Variants in KIAA0753 observed in about 807,000 individuals in gnomAD.
KIAA0753 encodes KIAA0753.
KIAA0753 carries 114 observed loss-of-function variants against 116.9 expected under a neutral mutation model. The ratio of observed to expected loss-of-function variants is 0.98; its 90% CI spans 0.84 to 1.14. The LOEUF is 1.14. Ranked by LOEUF, KIAA0753 falls within the 50% of genes most tolerant of loss-of-function variation. The pLI is 0.00. For synonymous variants in KIAA0753, 405 were observed against 413.1 expected (o/e 0.98, Z 0.24); for missense variants, 1,156 against 1,172.4 (o/e 0.99, Z 0.20).
At chr17:6,623,307 A>G (rs1356913610) in intron 5 of KIAA0753, among the ~76,000 whole-genome samples, 1 of 152,204 alleles carries the variant, frequency 6.6e-6, no homozygotes. Flanking sequence ...ACCAGCAGCA[A>G]CAACAACAAA....
In KIAA0753 at chr17:6,605,677, G is replaced by C. The variant is rs562390703; in HGVS notation, c.2009+1196C>G. Among the ~76,000 whole-genome samples the C allele has an allele frequency of 2.0e-5, 3 of 152,042 alleles. No homozygotes were observed. The South Asian group carries it at 6.3e-4, about 32-fold the overall frequency. ...GATTTATGAAGAAGAGTAATGAAAA[G>C]ATCAACACAAGAATCAGGACAGTGG... On this transcript the variant is annotated intron_variant, in intron 12 of 18. Transcript: ENST00000361413.
intron 7 of KIAA0753, among the ~76,000 whole-genome samples, chr17:6,615,637 A>C (rs7217054): frequency 0.021 from 3,164 of 150,652 alleles, 155 homozygotes; most frequent in African/African-American, 0.074. Flanking sequence ...AAAAAAAAAA[A>C]AAAAACCTAA....
chr17:6,617,451 T>C (rs35830430), intron 7 of KIAA0753, among the ~76,000 whole-genome samples: 18,058 of 152,122 alleles, frequency 0.12, 1,663 homozygotes, highest in East Asian at 0.36. Context: ...TGTAATATAA[T>C]AAAAAATATA....
At chr17:6,604,134 G>C (rs1970044818) in intron 12 of KIAA0753, among the ~76,000 whole-genome samples, 1 of 152,178 alleles carries the variant, frequency 6.6e-6, no homozygotes, top group Admixed American at 6.5e-5. Context: ...ACTGCCCTCT[G>C]GGCATTTATC....
chr17:6,590,083 G>T, intron 17 of KIAA0753, 80 bp from the exon 18 acceptor site: 1 of 1,068,672 alleles, frequency 9.4e-7, no homozygotes, highest in Non-Finnish European at 1.3e-6. Context: ...CTCATGGTTT[G>T]ATAGCCAAAG....
In KIAA0753 at chr17:6,612,057, T is replaced by C; in HGVS notation, c.1407A>G (p.Gly469=). ...VLDADIVLEE[G]PFILDQSASF... ...TTGCACTTTGGTCTAGAATAAATGG[T>C]CCTTCTTCCAGAACTATATCCGCAT... The change falls in exon 8 of 19, where the codon GGA becomes GGG. Residue 469 remains glycine (G), a synonymous_variant. Coordinates refer to ENST00000361413, the MANE Select transcript of KIAA0753 (RefSeq NM_014804.3). The C allele has an allele frequency of 6.2e-7, 1 of 1,614,208 alleles. No individual in the cohort carries two copies. Among genetic ancestry groups the C allele is most frequent in the Non-Finnish European group, 8.5e-7 (1 of 1,180,016 alleles).
chr17:6,600,526 G>T (rs1597497201), intron 12 of KIAA0753, 68 bp from the exon 13 acceptor site: 1 of 1,212,312 alleles, frequency 8.2e-7, no homozygotes, highest in East Asian at 2.4e-5. Context: ...ATATTTATTT[G>T]CCACTCCAGG....
At chr17:6,611,811 C>CT (rs1180905112) in intron 8 of KIAA0753, 108 bp downstream of exon 8, 2 of 806,494 alleles carry the variant, frequency 2.5e-6, no homozygotes, top group Non-Finnish European at 4.2e-6. Flanking sequence ...GACTCAAGGA[C>CT]TGCAGCATCC....
chr17:6,595,497 A>C (rs979490551), intron 15 of KIAA0753, among the ~76,000 whole-genome samples: 1 of 152,180 alleles, frequency 6.6e-6, no homozygotes, highest in South Asian at 2.1e-4. Context: ...AATCCAAAAA[A>C]AAAAATTGTT....
At chr17:6,588,399 G>C (rs2150741085) in intron 18 of KIAA0753, among the ~76,000 whole-genome samples, 1 of 152,236 alleles carries the variant, frequency 6.6e-6, no homozygotes, top group South Asian at 2.1e-4. Context: ...AAGCTAACAG[G>C]AAGGGTGATG....
intron 16 of KIAA0753, among the ~76,000 whole-genome samples, chr17:6,591,013 GAA>G (rs1463049830): frequency 1.3e-4 from 5 of 37,246 alleles, no homozygotes; most frequent in Non-Finnish European, 3.2e-4. Context: ...GAAGAAGGAA[GAA>G]GAAGGAAGAA....
chr17:6,584,975 G>GT (rs372381857), intron 18 of KIAA0753, among the ~76,000 whole-genome samples: 2 of 151,466 alleles, frequency 1.3e-5, no homozygotes, highest in Non-Finnish European at 2.9e-5. Flanking sequence ...CTAATTTTTT[G>GT]TTTTTTGTAG....
At chr17:6,605,115 G>C (rs1321396464) in intron 12 of KIAA0753, among the ~76,000 whole-genome samples, 1 of 144,886 alleles carries the variant, frequency 6.9e-6, no homozygotes, top group Non-Finnish European at 1.5e-5. Flanking sequence ...AAAAGCAGCA[G>C]CTACATTAGC....
In KIAA0753 at chr17:6,579,049, A is replaced by C. The variant is rs1473055099; in HGVS notation, c.*698T>G. The C allele has an allele frequency of 6.6e-6, 1 of 151,940 alleles. No homozygotes were observed. Among genetic ancestry groups the C allele is most frequent in the Non-Finnish European group, 1.5e-5 (1 of 67,900 alleles). The allele number at this position is 151,940 out of a possible 1,614,324, so 9.4% of individuals were successfully genotyped here. A position where few individuals can be genotyped will look rare whatever the true frequency, so the allele number is the denominator to read the frequency against. The stretch of plus-strand genomic sequence containing the variant: ...TTCCTCAAACTTCCTCTGAATCCAG[A>C]GAAAGTTTTTTATACCAGATTGTGT... On this transcript the variant is annotated 3_prime_UTR_variant, in exon 19 of 19. Transcript: ENST00000361413.
intron 18 of KIAA0753, among the ~76,000 whole-genome samples, chr17:6,585,217 GC>G (rs1968482844): frequency 6.6e-6 from 1 of 152,168 alleles, no homozygotes; most frequent in South Asian, 2.1e-4. Flanking sequence ...AAAACAATAT[GC>G]CATTCTCATT....
intron 12 of KIAA0753, among the ~76,000 whole-genome samples, chr17:6,605,228 T>C (rs1486577170): frequency 9.2e-5 from 14 of 152,192 alleles, no homozygotes; most frequent in Admixed American, 9.2e-4. Flanking sequence ...GCCCCTTTGC[T>C]GATGAAGTTT....
chr17:6,584,553 C>T (rs1186168642), intron 18 of KIAA0753, among the ~76,000 whole-genome samples: 2 of 152,016 alleles, frequency 1.3e-5, no homozygotes, highest in African/African-American at 4.8e-5. Flanking sequence ...ATCTGTTTTT[C>T]TTCTTCTTCT....
At chr17:6,640,380 C>G (rs1972594109) in intron 1 of KIAA0753, 1 of 152,928 alleles carries the variant, frequency 6.5e-6, no homozygotes, top group Non-Finnish European at 1.5e-5. Context: ...ACCTCGCTCC[C>G]TAAGCTGCTC....
intron 1 of KIAA0753, chr17:6,635,957 C>A (rs1054854895): frequency 1.3e-5 from 2 of 152,218 alleles, no homozygotes; most frequent in African/African-American, 2.4e-5. Flanking sequence ...AGGGGAAGGG[C>A]CTTGTCTTGC....
Sources: allele counts gnomAD v4.1 joint callset (sites outside exome capture counted in the v4.1 genomes callset), GRCh38; gene constraint gnomAD v4.1.1; transcripts MANE v1.5; gene names NCBI Gene and HGNC (gene_info 2026-07-23, HGNC 2026-07-21).